Variants in TENM4 observed in about 807,000 individuals in gnomAD.
The protein encoded by TENM4 is teneurin-4.
TENM4 carries 82 observed loss-of-function variants against 243.3 expected under a neutral mutation model. The observed-to-expected ratio is 0.34, with a 90% CI of 0.28 to 0.40. The LOEUF is 0.40. TENM4 is among the 10% of genes least tolerant of loss of function. The pLI is 1.00. For synonymous variants in TENM4, 1,412 were observed against 1,456.3 expected, an observed-to-expected ratio of 0.97 and a Z score of 0.69; for missense variants, 3,138 against 3,673.3, an observed-to-expected ratio of 0.85 and a Z score of 3.77.
At chr11:79,357,932 G>A (rs1380667079) in intron 1 of TENM4, among the ~76,000 whole-genome samples, 3 of 152,126 alleles carry the variant, frequency 2.0e-5, no homozygotes, top group Non-Finnish European at 4.4e-5. Context: ...CATCAAAACA[G>A]CTCAAGTGTA....
chr11:78,768,684 C>T (rs1856589505), intron 18 of TENM4, among the ~76,000 whole-genome samples: 1 of 152,260 alleles, frequency 6.6e-6, no homozygotes, highest in Admixed American at 6.5e-5. Context: ...GTGGCATATT[C>T]TCCCACAACT....
chr11:78,663,755 T>C (rs957212691), intron 32 of TENM4, among the ~76,000 whole-genome samples: 1 of 152,124 alleles, frequency 6.6e-6, no homozygotes, highest in Non-Finnish European at 1.5e-5. Context: ...GACTGAGACA[T>C]AGGTAGGTTT....
chr11:78,829,484 T>A (rs1175753465), intron 12 of TENM4, among the ~76,000 whole-genome samples: 1 of 152,168 alleles, frequency 6.6e-6, no homozygotes, highest in East Asian at 1.9e-4. Flanking sequence ...CTGCAGTAAA[T>A]GTCTCATTAA....
chr11:78,893,805 C>T (rs1267596849), intron 7 of TENM4, among the ~76,000 whole-genome samples: 2 of 67,164 alleles, frequency 3.0e-5, no homozygotes, highest in South Asian at 3.2e-4. Context: ...ACACACTCCT[C>T]TCTTTCTCTC....
At chr11:78,846,555 A>G (rs763032426) in intron 12 of TENM4, among the ~76,000 whole-genome samples, 1 of 152,226 alleles carries the variant, frequency 6.6e-6, no homozygotes, top group Non-Finnish European at 1.5e-5. Context: ...CCGTTAAAGC[A>G]TCATGCAAGG....
At chr11:78,960,008 T>C (rs1857283913) in intron 6 of TENM4, among the ~76,000 whole-genome samples, 2 of 152,044 alleles carry the variant, frequency 1.3e-5, no homozygotes. Context: ...GAATAACTTG[T>C]GACACTCCTA....
intron 2 of TENM4, among the ~76,000 whole-genome samples, chr11:79,236,732 G>A (rs17137926): frequency 0.17 from 26,172 of 152,030 alleles, 2,815 homozygotes; most frequent in East Asian, 0.52. Flanking sequence ...TAGACAGCTG[G>A]AAACAATATA....
Position 79,106,996 on chromosome 11 carries a change from C to T in TENM4, c.-65-36987G>A, listed in dbSNP as rs116659333. Among the ~76,000 whole-genome samples the T allele has an allele frequency of 3.5e-3, 534 of 152,240 alleles. 2 individuals carry two copies. Among genetic ancestry groups the T allele is most frequent in the African/African-American group, 8.4e-3 (349 of 41,548 alleles). ...ATGCAGCACTTACTCTGCACCTGCC[C>T]GGAACTGTTCTAAGGCCTTCACAAA... On this transcript the variant is annotated intron_variant, in intron 4 of 33. Transcript: ENST00000278550.
At chr11:79,373,694 G>T (rs987913065) in intron 1 of TENM4, among the ~76,000 whole-genome samples, 3 of 152,106 alleles carry the variant, frequency 2.0e-5, no homozygotes, top group South Asian at 4.2e-4. Context: ...AAATGAAAAC[G>T]TTTTTCTTAA....
chr11:79,318,552 GTTGACGTCA>G (rs756824112), intron 1 of TENM4, among the ~76,000 whole-genome samples: 109 of 152,114 alleles, frequency 7.2e-4, no homozygotes, highest in Non-Finnish European at 1.5e-3. Context: ...AAGCTATCAA[GTTGACGTCA>G]TTGAAGGTGG....
intron 19 of TENM4, among the ~76,000 whole-genome samples, chr11:78,751,777 C>T (rs1371938061): frequency 6.6e-6 from 1 of 152,164 alleles, no homozygotes; most frequent in African/African-American, 2.4e-5. Flanking sequence ...AGATGTCTCA[C>T]GTTGCCCTCC....
intron 10 of TENM4, among the ~76,000 whole-genome samples, chr11:78,858,418 G>C (rs1008786601): frequency 2.6e-5 from 4 of 152,152 alleles, no homozygotes; most frequent in Non-Finnish European, 4.4e-5. Context: ...TCAGGACCTT[G>C]AGGGCCTCTG....
intron 6 of TENM4, among the ~76,000 whole-genome samples, chr11:78,929,122 C>G (rs1055102802): frequency 6.6e-6 from 1 of 152,210 alleles, no homozygotes. Flanking sequence ...TCAGAATGCT[C>G]ATTATCCACC....
chr11:79,318,223 G>A lies in TENM4; in HGVS notation c.-320-20680C>T, dbSNP rs186124894. ...CAGGGCCTACCGTGTTCCCCACACTGTGAACAGGGGGGATAAAAAGGCACC... is the reference window on the plus strand; with the variant it reads ...CAGGGCCTACCGTGTTCCCCACACTATGAACAGGGGGGATAAAAAGGCACC... On this transcript the variant is annotated intron_variant, in intron 1 of 33. Coordinates refer to ENST00000278550, the MANE Select transcript of TENM4 (RefSeq NM_001098816.3). 2.3e-4 allele frequency among the ~76,000 whole-genome samples: 34 copies of A among 151,084 alleles called. No individual in the cohort carries two copies. In the East Asian group the frequency reaches 6.4e-3, roughly 28 times the overall value.
intron 3 of TENM4, among the ~76,000 whole-genome samples, chr11:79,192,146 G>A (rs1225174616): frequency 6.6e-6 from 1 of 151,144 alleles, no homozygotes; most frequent in Admixed American, 6.6e-5. Context: ...GGGAGGTGGG[G>A]GGGTCAGCCC....
chr11:79,277,760 C>G (rs1856084648), intron 2 of TENM4, among the ~76,000 whole-genome samples: 1 of 152,102 alleles, frequency 6.6e-6, no homozygotes, highest in South Asian at 2.1e-4. Context: ...GGGGTGCAGA[C>G]AGAGAAACCC....
At chr11:79,090,200 C>A (rs545986917) in intron 4 of TENM4, among the ~76,000 whole-genome samples, 2 of 152,224 alleles carry the variant, frequency 1.3e-5, no homozygotes, top group African/African-American at 4.8e-5. Flanking sequence ...CTGCAGCTGC[C>A]GTCTGCAAGA....
intron 6 of TENM4, among the ~76,000 whole-genome samples, chr11:78,948,092 C>T (rs1857039399): frequency 6.6e-6 from 1 of 152,186 alleles, no homozygotes; most frequent in African/African-American, 2.4e-5. Flanking sequence ...TGAAAAATCT[C>T]AACCCTAAGG....
At chr11:78,935,994 C>G (rs560058142) in intron 6 of TENM4, among the ~76,000 whole-genome samples, 1 of 152,264 alleles carries the variant, frequency 6.6e-6, no homozygotes, top group East Asian at 1.9e-4. Context: ...CTTCGTGATT[C>G]CATCTGTAAA....
Sources: gnomAD v4.1 joint callset for allele counts (sites outside exome capture counted in the v4.1 genomes callset) on GRCh38, gnomAD v4.1.1 for gene constraint, MANE v1.5 for transcripts, NCBI Gene and HGNC (gene_info 2026-07-23, HGNC 2026-07-21) for gene names.